The following ARHGAP42 variants were observed in gnomAD, a reference collection of about 807,000 sequenced individuals.
The protein encoded by ARHGAP42 is rho GTPase-activating protein 42.
ARHGAP42 carries 63 observed loss-of-function variants against 125.0 expected under a neutral mutation model. The observed-to-expected ratio is 0.50, with a 90% CI of 0.41 to 0.62. The LOEUF (loss-of-function observed/expected upper bound fraction) is 0.62. Among genes scored for constraint, ARHGAP42 ranks in the 20% least tolerant of loss-of-function variants. The pLI, the probability that ARHGAP42 is intolerant of heterozygous loss-of-function variation, is 0.00. For synonymous variants in ARHGAP42, 339 were observed against 351.0 expected (o/e 0.97, Z 0.38); for missense variants, 766 against 1,024.2 (o/e 0.75, Z 3.44).
intron 3 of ARHGAP42, among the ~76,000 whole-genome samples, chr11:100,797,740 G>T (rs1227872790): frequency 6.6e-6 from 1 of 152,196 alleles, no homozygotes; most frequent in Non-Finnish European, 1.5e-5. Flanking sequence ...TGCAGCCCAT[G>T]GATCAAGGAG....
At chr11:100,886,751 A>G (rs959616618) in intron 4 of ARHGAP42, among the ~76,000 whole-genome samples, 1 of 152,240 alleles carries the variant, frequency 6.6e-6, no homozygotes, top group African/African-American at 2.4e-5. Context: ...CAAATTAACA[A>G]TAAGACTGTA....
At chr11:100,921,274 A>T (rs1867260198) in intron 5 of ARHGAP42, among the ~76,000 whole-genome samples, 1 of 65,140 alleles carries the variant, frequency 1.5e-5, no homozygotes, top group Non-Finnish European at 2.9e-5. Flanking sequence ...TTTTTTTTTT[A>T]CTGCAATGGG....
intron 7 of ARHGAP42, among the ~76,000 whole-genome samples, chr11:100,934,476 T>C (rs962968260): frequency 4.6e-5 from 7 of 152,246 alleles, no homozygotes; most frequent in Admixed American, 1.3e-4. Flanking sequence ...GAATTTATTT[T>C]GTAAAGTTGT....
chr11:100,987,387 A>G (rs569505941), intron 22 of ARHGAP42, 126 bp from the exon 23 acceptor site: 1 of 743,958 alleles, frequency 1.3e-6, no homozygotes, highest in East Asian at 2.7e-5. Context: ...ACACTCATAT[A>G]TGCACTTTAT....
At chr11:100,927,482 T>C (rs1867459183) in intron 6 of ARHGAP42, among the ~76,000 whole-genome samples, 1 of 152,210 alleles carries the variant, frequency 6.6e-6, no homozygotes, top group Non-Finnish European at 1.5e-5. Context: ...CTTGGATAAA[T>C]CTAAAGTTCA....
chr11:100,832,278 T>G (rs953692761), intron 3 of ARHGAP42, among the ~76,000 whole-genome samples: 10 of 152,234 alleles, frequency 6.6e-5, no homozygotes, highest in African/African-American at 2.4e-4. Flanking sequence ...GTTTCCTGAC[T>G]GCTGTCCTAC....
intron 1 of ARHGAP42, among the ~76,000 whole-genome samples, chr11:100,760,623 C>A (rs954408471): frequency 1.3e-5 from 2 of 152,080 alleles, no homozygotes; most frequent in Admixed American, 1.3e-4. Context: ...ATCGTGTGAA[C>A]CCAGGAGGCG....
At chr11:100,741,004 A>G (rs1565549877) in intron 1 of ARHGAP42, among the ~76,000 whole-genome samples, 1 of 152,188 alleles carries the variant, frequency 6.6e-6, no homozygotes, top group Non-Finnish European at 1.5e-5. Context: ...TGCAGATTAC[A>G]TAAAGAGAGA....
chr11:100,921,790 A>T (rs1297382237), intron 6 of ARHGAP42, among the ~76,000 whole-genome samples, 186 bp downstream of exon 6: 1 of 152,146 alleles, frequency 6.6e-6, no homozygotes, highest in Non-Finnish European at 1.5e-5. Context: ...TTTGTACAAT[A>T]GAGTAGTGAT....
At chr11:100,736,851 G>T (rs1189741112) in intron 1 of ARHGAP42, among the ~76,000 whole-genome samples, 1 of 152,128 alleles carries the variant, frequency 6.6e-6, no homozygotes, top group Non-Finnish European at 1.5e-5. Flanking sequence ...ACATTATTCT[G>T]GATTTTTCCT....
chr11:100,915,533 A>T (rs1273904314), intron 5 of ARHGAP42, among the ~76,000 whole-genome samples: 1 of 152,226 alleles, frequency 6.6e-6, no homozygotes, highest in African/African-American at 2.4e-5. Context: ...AACCACCTTA[A>T]GGAAATGATA....
chr11:100,759,307 CT>C (rs1333247222), intron 1 of ARHGAP42, among the ~76,000 whole-genome samples: 2 of 152,162 alleles, frequency 1.3e-5, no homozygotes, highest in Non-Finnish European at 2.9e-5. Flanking sequence ...TGGTTTTCCT[CT>C]CTTCCTCATA....
chr11:100,725,617 T>A (rs1170873839), intron 1 of ARHGAP42, among the ~76,000 whole-genome samples: 1 of 143,832 alleles, frequency 7.0e-6, no homozygotes, highest in Non-Finnish European at 1.5e-5. Context: ...CTACCAAAAA[T>A]TTAAAAAAAC....
intron 3 of ARHGAP42, among the ~76,000 whole-genome samples, chr11:100,858,090 T>C (rs1200676607): frequency 5.2e-4 from 59 of 112,684 alleles, no homozygotes; most frequent in African/African-American, 1.8e-3. Flanking sequence ...GATAGGGGTG[T>C]GTGTGTGTGT....
chr11:100,773,881 G>A (rs906721329), intron 2 of ARHGAP42, among the ~76,000 whole-genome samples: 1 of 151,782 alleles, frequency 6.6e-6, no homozygotes, highest in African/African-American at 2.4e-5. Flanking sequence ...ATCAGGAGAT[G>A]AAGAATCTAC....
chr11:100,844,096 T>C (rs931998441), intron 3 of ARHGAP42, among the ~76,000 whole-genome samples: 63 of 151,960 alleles, frequency 4.1e-4, no homozygotes, highest in African/African-American at 1.4e-3. Context: ...GGTATAAAAA[T>C]TGGCACATAG....
chr11:100,864,633 A>G (rs1477148831), intron 4 of ARHGAP42, among the ~76,000 whole-genome samples: 1 of 152,224 alleles, frequency 6.6e-6, no homozygotes, highest in East Asian at 1.9e-4. Context: ...GATGTGTATT[A>G]TACAGAAACA....
intron 4 of ARHGAP42, among the ~76,000 whole-genome samples, chr11:100,866,891 C>T (rs751629017): frequency 9.9e-5 from 15 of 152,070 alleles, no homozygotes; most frequent in Non-Finnish European, 1.8e-4. Context: ...CTTCTTGATC[C>T]CTGGGCTGCA....
chr11:100,885,355 T>C (rs1027581560), intron 4 of ARHGAP42, among the ~76,000 whole-genome samples: 6 of 152,212 alleles, frequency 3.9e-5, no homozygotes, highest in African/African-American at 1.4e-4. Context: ...CTGTTGAATC[T>C]TAAAGAATCT....
Sources: gnomAD v4.1 joint callset for allele counts (sites outside exome capture counted in the v4.1 genomes callset) on GRCh38, gnomAD v4.1.1 for gene constraint, MANE v1.5 for transcripts, NCBI Gene and HGNC (gene_info 2026-07-23, HGNC 2026-07-21) for gene names.